The following ASTL variants were observed in gnomAD, a reference collection of about 807,000 sequenced individuals.
ASTL encodes astacin like metalloendopeptidase, also known as astacin-like metalloendopeptidase.
Under a neutral mutation model 36.7 loss-of-function variants are expected in ASTL, and 27 were observed. The observed-to-expected ratio is 0.73, with a 90% CI of 0.54 to 1.01. The LOEUF is 1.01. ASTL is among the 50% of genes least tolerant of loss of function. The pLI is 0.00. For missense variants in ASTL, 524 were observed against 572.8 expected, an observed-to-expected ratio of 0.91 and a Z score of 0.87; for synonymous variants, 222 against 228.1, an observed-to-expected ratio of 0.97 and a Z score of 0.24.
Position 96,132,398 on chromosome 2 carries a change from G to T in ASTL, c.637+142C>A. On this transcript the variant is annotated intron_variant, in intron 6 of 8. Coordinates refer to ENST00000342380, the MANE Select transcript of ASTL (RefSeq NM_001002036.4). This position sits in a 1 kb window ranked among gnomAD's most constrained non-coding sequence, Gnocchi z 5.4. ...TCCAGGTACCAGGTACCAGACAGAA[G>T]TGAGACCCCCACCTTCCCCACAGGA... 1 of 750,648 alleles carries T rather than the reference G, an allele frequency of 1.3e-6. No homozygotes were observed. Among genetic ancestry groups the T allele is most frequent in the Admixed American group, 3.0e-5 (1 of 33,392 alleles). 46.5% of individuals were successfully genotyped at this position (750,648 alleles called of 1,614,324 possible).
intron 4 of ASTL, 112 bp downstream of exon 4, chr2:96,133,853 G>T: frequency 3.9e-6 from 3 of 763,808 alleles, no homozygotes; most frequent in Non-Finnish European, 6.9e-6. Context: ...GGTTCTTCGG[G>T]TGGGGAGGTG....
chr2:96,128,911 G>A (rs934393972), intron 8 of ASTL, among the ~76,000 whole-genome samples: 3 of 152,122 alleles, frequency 2.0e-5, no homozygotes, highest in Admixed American at 2.0e-4. Context: ...GTGGTGGCAC[G>A]CACCTGTAAG....
chr2:96,134,070 G>A lies in ASTL; in HGVS notation c.244-12C>T, dbSNP rs1388865225. ...AGTCGGAAGGGACTCTGAGGAGAGA[G>A]CAGCAGTTCAACCCCTGGGGACAGA... is the stretch of plus-strand genomic sequence containing the variant. On this transcript the variant is annotated splice_polypyrimidine_tract_variant and intron_variant, in intron 3 of 8. Coordinates refer to ENST00000342380, the MANE Select transcript of ASTL (RefSeq NM_001002036.4). 6.2e-7 allele frequency: 1 copy of A among 1,601,598 alleles called. No individual in the cohort carries two copies. Among genetic ancestry groups the A allele is most frequent in the Non-Finnish European group, 8.6e-7 (1 of 1,169,028 alleles).
rs769181108 is a variant in ASTL at position 96,133,948 on chromosome 2, G to A, written c.337+17C>T. 17 of 1,558,362 alleles carry A rather than the reference G, an allele frequency of 1.1e-5. 1 individual carries two copies. Among genetic ancestry groups the A allele is most frequent in the East Asian group, 2.2e-5 (1 of 44,598 alleles). Reference sequence around the variant, plus strand: ...GAAGGGGCTGAGGCAGGGAGGGAGCGCGCCATGCTCACTCACCGTACTTGC... The same window carrying A: ...GAAGGGGCTGAGGCAGGGAGGGAGCACGCCATGCTCACTCACCGTACTTGC... On this transcript the variant is annotated intron_variant, in intron 4 of 8. Transcript: ENST00000342380.
chr2:96,134,627 C>A (rs1190293339), intron 3 of ASTL, among the ~76,000 whole-genome samples: 1 of 152,162 alleles, frequency 6.6e-6, no homozygotes, highest in Admixed American at 6.5e-5. Context: ...ACACCACCTG[C>A]CCGAGCACTC....
Position 96,124,385 on chromosome 2 carries a change from G to T in ASTL, c.875-114C>A. 2 of 933,714 alleles carry T rather than the reference G, an allele frequency of 2.1e-6. No homozygotes were observed. Among genetic ancestry groups the T allele is most frequent in the Non-Finnish European group, 3.0e-6 (2 of 669,750 alleles). 57.8% of individuals were successfully genotyped at this position (933,714 alleles called of 1,614,324 possible). On this transcript the variant is annotated intron_variant, in intron 8 of 8. Transcript: ENST00000342380. The surrounding 1 kb of genome is among the most constrained non-coding windows in gnomAD (Gnocchi z 4.1). Reference sequence around the variant, plus strand: ...AGGAGTGGTGCCCACCCATGCCACGGCCTAGTGCATCCAAGACCCAGATTC... The same window carrying T: ...AGGAGTGGTGCCCACCCATGCCACGTCCTAGTGCATCCAAGACCCAGATTC...
At chr2:96,129,299 C>T (rs527833043) in intron 8 of ASTL, among the ~76,000 whole-genome samples, 1 of 152,260 alleles carries the variant, frequency 6.6e-6, no homozygotes, top group African/African-American at 2.4e-5. Flanking sequence ...ATTGTGTTTT[C>T]TAACTGGGTG....
At chr2:96,128,672 C>T (rs1015799907) in intron 8 of ASTL, among the ~76,000 whole-genome samples, 25 of 152,178 alleles carry the variant, frequency 1.6e-4, no homozygotes, top group African/African-American at 5.3e-4. Context: ...TATGTAAAGA[C>T]GTTTCATGAA....
intron 8 of ASTL, 25 bp downstream of exon 8, chr2:96,129,799 G>A: frequency 6.6e-7 from 1 of 1,513,236 alleles, no homozygotes; most frequent in African/African-American, 1.4e-5. Flanking sequence ...CCAGGTTCAA[G>A]TCACCTTCCT....
rs1389446804 is a variant in ASTL, at chr2:96,133,506, G to A, written c.374C>T (p.Ala125Val). 9 of 1,614,140 alleles carry A rather than the reference G, an allele frequency of 5.6e-6. No homozygotes were observed. The highest frequency in any genetic ancestry group is 2.2e-5 in the East Asian group (1 of 44,888). ...GATGCACGTGGAACGTTCAAACTCC[G>A]CAAGAGCCTCCAGGATGACCTGGCG... ...PSRQVILEALAEFERSTCIRF... is the reference protein window; with the variant it reads ...PSRQVILEALVEFERSTCIRF... Residue 125 changes from alanine to valine, a missense_variant, in exon 5 of 9, where the codon GCG (alanine) becomes GTG (valine). Coordinates refer to ENST00000342380, the MANE Select transcript of ASTL (RefSeq NM_001002036.4).
In ASTL at chr2:96,124,069, C is replaced by T. The variant is rs148115152; in HGVS notation, c.1077G>A (p.Ser359=). 2.9e-5 allele frequency: 46 copies of T among 1,613,634 alleles called. No individual in the cohort carries two copies. The highest frequency in any genetic ancestry group is 2.7e-4 in the Admixed American group (16 of 60,010). The change falls in exon 9 of 9, where the codon TCG becomes TCA. Residue 359 remains serine, a synonymous_variant. Coordinates refer to ENST00000342380, the MANE Select transcript of ASTL (RefSeq NM_001002036.4). This position sits in a 1 kb window ranked among gnomAD's most constrained non-coding sequence, Gnocchi z 4.1. ...AAGCTAGGGTCTGAGGCTGCCTTGC[C>T]GAGGCCTCTGCACTGAGCTTTTTCA... The part of the protein sequence containing the change: ...PALKKLSAEA[S]ARQPQTLASS...
chr2:96,135,386 T>G lies in ASTL; in HGVS notation c.208A>C (p.Ser70Arg). The change falls in exon 3 of 9, where the codon AGC becomes CGC. Residue 70 changes from serine to arginine, a missense_variant. Transcript: ENST00000342380. Reference protein sequence around the residue: ...QGLILEETPESSFLIEGDIIR... With the variant: ...QGLILEETPERSFLIEGDIIR... ...ATGTCCCCCTCGATGAGGAAGCTGC[T>G]CTCTGGGGTTTCTTCCAGGATGAGC... 6.2e-7 allele frequency: 1 copy of G among 1,614,146 alleles called. No individual in the cohort carries two copies. Among genetic ancestry groups the G allele is most frequent in the African/African-American group, 1.3e-5 (1 of 75,062 alleles).
In ASTL at chr2:96,133,451, GTC is replaced by G; in HGVS notation, c.427_428del (p.Asp143LeufsTer40). The G allele has an allele frequency of 6.2e-7, 1 of 1,613,212 alleles. No homozygotes were observed. Among genetic ancestry groups the G allele is most frequent in the Non-Finnish European group, 8.5e-7 (1 of 1,179,110 alleles). Reference sequence around the variant, plus strand: ...CATACATGGGGATGATGGAAATGAAGTCTCTCTGGTCCTGATAGGTGACAAAC... The same window carrying G: ...CATACATGGGGATGATGGAAATGAAGTCTCTGGTCCTGATAGGTGACAAAC... ...IRFVTYQDQR[D>X]FISIIPMYGC... On this transcript the variant is annotated frameshift_variant, in exon 5 of 9. Coordinates refer to ENST00000342380, the MANE Select transcript of ASTL (RefSeq NM_001002036.4). LOFTEE classifies it high-confidence loss of function.
chr2:96,131,866 C>CAGACCA (rs1558715941), intron 6 of ASTL, among the ~76,000 whole-genome samples: 6 of 152,186 alleles, frequency 3.9e-5, no homozygotes, highest in Non-Finnish European at 5.9e-5. Flanking sequence ...CCTCGTGGGG[C>CAGACCA]TCTTCCTGCC....
At position 96,138,424 on chromosome 2, in the gene ASTL, C is replaced by T; in HGVS notation, c.13G>A (p.Gly5Arg). The T allele has an allele frequency of 6.2e-7, 1 of 1,610,446 alleles. No homozygotes were observed. The highest frequency in any genetic ancestry group is 8.5e-7 in the Non-Finnish European group (1 of 1,178,328). The change falls in exon 1 of 9, where the codon GGG becomes AGG. Residue 5 changes from glycine to arginine, a missense_variant. Physicochemically the swap from Gly to Arg is moderately radical, Grantham distance 125. Transcript: ENST00000342380. ...CCCAGCACCCAAGGCCAGAGACCCC[C>T]TACACCCTCCATGGTAGAGCCCTGC... MEGVGGLWPWVLGLL... is the reference protein window; with the variant it reads MEGVRGLWPWVLGLL...
At position 96,132,757 on chromosome 2, in the gene ASTL, G is replaced by T; in HGVS notation, c.456-36C>A. On this transcript the variant is annotated intron_variant, in intron 5 of 8. Coordinates refer to ENST00000342380, the MANE Select transcript of ASTL (RefSeq NM_001002036.4). This position sits in a 1 kb window ranked among gnomAD's most constrained non-coding sequence, Gnocchi z 5.4. ...ATGAGAGCAAGTGGGGTAAGTGCCAGCCCAGATCCCTCCGGACATACAGAC... is the reference window on the plus strand; with the variant it reads ...ATGAGAGCAAGTGGGGTAAGTGCCATCCCAGATCCCTCCGGACATACAGAC... 1 of 1,580,256 alleles carries T rather than the reference G, an allele frequency of 6.3e-7. No individual in the cohort carries two copies. The highest frequency in any genetic ancestry group is 8.7e-7 in the Non-Finnish European group (1 of 1,155,534).
At position 96,123,790 on chromosome 2, in the gene ASTL, G is replaced by T; in HGVS notation, c.*60C>A. ...TGTGGCCCAAAGGAGCCAAGAGGTA[G>T]ACGACCCAGCTCCACTGGGCAGAGG... On this transcript the variant is annotated 3_prime_UTR_variant, in exon 9 of 9. Coordinates refer to ENST00000342380, the MANE Select transcript of ASTL (RefSeq NM_001002036.4). The T allele has an allele frequency of 6.8e-7, 1 of 1,461,666 alleles. No homozygotes were observed. Among genetic ancestry groups the T allele is most frequent in the South Asian group, 1.3e-5 (1 of 79,442 alleles). The allele number at this position is 1,461,666 out of a possible 1,614,324, so 90.5% of individuals were successfully genotyped here. A position where few individuals can be genotyped will look rare whatever the true frequency, so the allele number is the denominator to read the frequency against.
Position 96,123,727 on chromosome 2 carries a change from C to T in ASTL, c.*123G>A, listed in dbSNP as rs74440346. 12,996 of 753,790 alleles carry T rather than the reference C, an allele frequency of 0.017. 865 individuals carry two copies. Among genetic ancestry groups the T allele is most frequent in the East Asian group, 0.16 (6,255 of 39,082 alleles). The allele number at this position is 753,790 out of a possible 1,614,324, so 46.7% of individuals were successfully genotyped here. A position where few individuals can be genotyped will look rare whatever the true frequency, so the allele number is the denominator to read the frequency against. ...GAGACAGGGGAAGAGTCCTGGCCCT[C>T]TGAGATGGGGTGGTAGGTTGGGGCT... On this transcript the variant is annotated 3_prime_UTR_variant, in exon 9 of 9. Transcript: ENST00000342380.
In ASTL at chr2:96,124,927, T is replaced by C. The variant is rs1290158272; in HGVS notation, c.875-656A>G. Among the ~76,000 whole-genome samples the C allele has an allele frequency of 6.6e-6, 1 of 152,154 alleles. No individual in the cohort carries two copies. The highest frequency in any genetic ancestry group is 2.4e-5 in the African/African-American group (1 of 41,436). ...ATCCTCACTCCCACACTTCAACTGG[T>C]GACTCTTCTACCAGGTCCTGTTAGC... On this transcript the variant is annotated intron_variant, in intron 8 of 8. Transcript: ENST00000342380. This position sits in a 1 kb window ranked among gnomAD's most constrained non-coding sequence, Gnocchi z 4.1.
Sources: gnomAD v4.1 joint callset for allele counts (sites outside exome capture counted in the v4.1 genomes callset) on GRCh38, gnomAD v4.1.1 for gene constraint, Gnocchi (gnomAD v3.1) non-coding constraint, MANE v1.5 for transcripts, NCBI Gene and HGNC (gene_info 2026-07-23, HGNC 2026-07-21) for gene names.